Variants in HUNK observed in about 807,000 individuals in gnomAD.
HUNK encodes the protein hormonally up-regulated Neu-associated kinase, also known as hormonally up-regulated neu tumor-associated kinase.
Under a neutral mutation model 61.0 loss-of-function variants are expected in HUNK, and 21 were observed. The ratio of observed to expected loss-of-function variants is 0.34; its 90% CI spans 0.24 to 0.50. The LOEUF (loss-of-function observed/expected upper bound fraction) is 0.50. HUNK is among the 20% of genes least tolerant of loss of function. The pLI, the probability that HUNK is intolerant of heterozygous loss-of-function variation, is 0.98. For missense variants in HUNK, 772 were observed against 945.7 expected (o/e 0.82, Z 2.41); for synonymous variants, 371 against 386.1 (o/e 0.96, Z 0.46).
chr21:31,997,868 A>G (rs1035120765), intron 10 of HUNK, among the ~76,000 whole-genome samples: 1 of 152,094 alleles, frequency 6.6e-6, no homozygotes, highest in African/African-American at 2.4e-5. Context: ...TGTTGAGTGC[A>G]TGTACCTTTT....
At chr21:31,965,101 T>C (rs1033099731) in intron 5 of HUNK, among the ~76,000 whole-genome samples, 1 of 152,300 alleles carries the variant, frequency 6.6e-6, no homozygotes, top group Middle Eastern at 3.4e-3. Flanking sequence ...GGAAGGGAGA[T>C]AGACATTCTG....
chr21:31,973,965 G>A (rs774715918), intron 6 of HUNK, among the ~76,000 whole-genome samples: 6 of 152,192 alleles, frequency 3.9e-5, no homozygotes, highest in South Asian at 2.1e-4. Context: ...CCACTTTGCC[G>A]CTGAGCCCTG....
intron 1 of HUNK, among the ~76,000 whole-genome samples, chr21:31,921,355 T>A (rs367671209): frequency 1.3e-5 from 2 of 149,752 alleles, no homozygotes; most frequent in South Asian, 4.2e-4. Context: ...TTACTGCAGA[T>A]GCTGTTGTAT....
At chr21:31,988,197 C>T (rs891784535) in intron 8 of HUNK, among the ~76,000 whole-genome samples, 3 of 152,112 alleles carry the variant, frequency 2.0e-5, no homozygotes, top group South Asian at 4.1e-4. Context: ...GGACACCTAT[C>T]GTGTGTGCCC....
chr21:31,928,537 C>T (rs1349829948), intron 2 of HUNK, among the ~76,000 whole-genome samples: 4 of 152,036 alleles, frequency 2.6e-5, no homozygotes, highest in Non-Finnish European at 5.9e-5. Context: ...ATTTATAATC[C>T]AATAATGGCA....
chr21:31,946,925 A>G (rs2052807885), intron 4 of HUNK, among the ~76,000 whole-genome samples: 1 of 152,214 alleles, frequency 6.6e-6, no homozygotes. Flanking sequence ...TTCACTGGTG[A>G]TGCCTGGAAT....
At chr21:31,993,837 C>T (rs1015716403) in intron 9 of HUNK, among the ~76,000 whole-genome samples, 1 of 152,148 alleles carries the variant, frequency 6.6e-6, no homozygotes. Context: ...CAGATAACGT[C>T]CTGGAGCACA....
intron 1 of HUNK, among the ~76,000 whole-genome samples, chr21:31,892,308 G>C (rs1337370250): frequency 6.6e-6 from 1 of 150,726 alleles, no homozygotes; most frequent in Non-Finnish European, 1.5e-5. Flanking sequence ...GCTCACACCT[G>C]TAATCCCAGC....
Position 31,998,624 on chromosome 21 carries a change from C to G in HUNK, c.1585C>G (p.Pro529Ala). The change falls in exon 11 of 11, where the codon CCG (proline) becomes GCG (alanine). Residue 529 changes from proline (P) to alanine (A), a missense_variant. Transcript: ENST00000270112. ...CATCCCCGTGCCACCGCCCAGGACCCCGAGGATTGTGAAGAAACCGGAGCC... is the reference window on the plus strand; with the variant it reads ...CATCCCCGTGCCACCGCCCAGGACCGCGAGGATTGTGAAGAAACCGGAGCC... ...EFIPVPPPRT[P>A]RIVKKPEPHQ... is the part of the protein sequence containing the mutation. The G allele has an allele frequency of 1.9e-6, 3 of 1,614,146 alleles. No homozygotes were observed. Among genetic ancestry groups the G allele is most frequent in the Non-Finnish European group, 2.5e-6 (3 of 1,180,026 alleles).
chr21:31,885,534 G>C (rs539118001), intron 1 of HUNK, among the ~76,000 whole-genome samples: 1 of 152,294 alleles, frequency 6.6e-6, no homozygotes, highest in Admixed American at 6.5e-5. Context: ...GGCTGGAATA[G>C]CAAGGCCTTA....
intron 2 of HUNK, among the ~76,000 whole-genome samples, chr21:31,934,126 G>A (rs532465171): frequency 3.5e-4 from 54 of 152,174 alleles, no homozygotes; most frequent in African/African-American, 1.3e-3. Flanking sequence ...GATAATATAG[G>A]CTTGCTCATA....
At chr21:31,983,397 C>T (rs2053111731) in intron 7 of HUNK, 129 bp from the exon 8 acceptor site, 1 of 717,794 alleles carries the variant, frequency 1.4e-6, no homozygotes, top group Non-Finnish European at 2.3e-6. Context: ...CTTGATGTTG[C>T]AATTTACTGG....
Position 31,873,732 on chromosome 21 carries a change from G to A in HUNK, c.58G>A (p.Gly20Ser). Residue 20 changes from glycine to serine, a missense_variant, in exon 1 of 11, where the codon GGC (glycine) becomes AGC (serine). Physicochemically the swap from Gly to Ser is moderately conservative, Grantham distance 56 (BLOSUM62 0). Around this residue, in one of 2 missense-constraint regions of HUNK, gnomAD observed 359 missense variants for 501.3 expected, o/e 0.72. Coordinates refer to ENST00000270112, the MANE Select transcript of HUNK (RefSeq NM_014586.2). This position sits in a 1 kb window ranked among gnomAD's most constrained non-coding sequence, Gnocchi z 6.1. ...LGEPAAPGGGGGAEDAARPAA... is the reference protein window; with the variant it reads ...LGEPAAPGGGSGAEDAARPAA... Reference sequence around the variant, plus strand: ...GGAGCCGGCGGCGCCTGGGGGCGGCGGCGGCGCGGAGGACGCGGCCAGGCC... The same window carrying A: ...GGAGCCGGCGGCGCCTGGGGGCGGCAGCGGCGCGGAGGACGCGGCCAGGCC... The A allele has an allele frequency of 6.4e-6, 8 of 1,245,116 alleles. No homozygotes were observed. Among genetic ancestry groups the A allele is most frequent in the Non-Finnish European group, 8.0e-6 (8 of 995,408 alleles). 77.1% of individuals were successfully genotyped at this position (1,245,116 alleles called of 1,614,324 possible).
At chr21:31,906,852 C>T (rs188000272) in intron 1 of HUNK, among the ~76,000 whole-genome samples, 6 of 152,288 alleles carry the variant, frequency 3.9e-5, no homozygotes, top group Admixed American at 3.9e-4. Context: ...AGTTGCCTCT[C>T]ACCACATGTA....
chr21:31,881,502 A>G (rs1371078766), intron 1 of HUNK, among the ~76,000 whole-genome samples: 1 of 152,070 alleles, frequency 6.6e-6, no homozygotes, highest in Admixed American at 6.6e-5. Flanking sequence ...GTGTTCCTGT[A>G]ATCCCAGCTA....
Position 31,873,857 on chromosome 21 carries a change from C to T in HUNK, c.183C>T (p.Tyr61=). The part of the protein sequence containing the change: ...DFQHHKRVGN[Y]LIGSRKLGEG... ...AGCACCACAAGCGCGTGGGCAACTACCTCATCGGCAGCAGGAAGCTGGGCG... is the reference window on the plus strand; with the variant it reads ...AGCACCACAAGCGCGTGGGCAACTATCTCATCGGCAGCAGGAAGCTGGGCG... Residue 61 remains tyrosine, a synonymous_variant, in exon 1 of 11, where the codon TAC becomes TAT. Coordinates refer to ENST00000270112, the MANE Select transcript of HUNK (RefSeq NM_014586.2). This position sits in a 1 kb window ranked among gnomAD's most constrained non-coding sequence, Gnocchi z 6.1. 6.3e-7 allele frequency: 1 copy of T among 1,586,030 alleles called. No individual in the cohort carries two copies. The highest frequency in any genetic ancestry group is 8.6e-7 in the Non-Finnish European group (1 of 1,168,286).
At chr21:31,891,378 A>G (rs1035872261) in intron 1 of HUNK, among the ~76,000 whole-genome samples, 3 of 152,242 alleles carry the variant, frequency 2.0e-5, no homozygotes, top group Non-Finnish European at 4.4e-5. Context: ...CTGTGTCTCA[A>G]ACAAACAAAC....
At chr21:31,969,536 G>A (rs2052995537) in intron 6 of HUNK, among the ~76,000 whole-genome samples, 1 of 151,818 alleles carries the variant, frequency 6.6e-6, no homozygotes. Context: ...ATGCTGGTGC[G>A]CTAACTACAG....
At chr21:31,901,904 AG>A (rs1352153437) in intron 1 of HUNK, among the ~76,000 whole-genome samples, 1 of 152,146 alleles carries the variant, frequency 6.6e-6, no homozygotes, top group Non-Finnish European at 1.5e-5. Context: ...GGCCTCAACC[AG>A]GTCATACCAC....
Sources: allele counts gnomAD v4.1 joint callset (sites outside exome capture counted in the v4.1 genomes callset), GRCh38; gene constraint gnomAD v4.1.1; regional missense constraint gnomAD v4.1.1; non-coding constraint Gnocchi (gnomAD v3.1); transcripts MANE v1.5; gene names NCBI Gene and HGNC (gene_info 2026-07-23, HGNC 2026-07-21).